Variants in FIGN observed in about 807,000 individuals in gnomAD.
FIGN encodes fidgetin, microtubule severing factor.
Under a neutral mutation model 51.3 loss-of-function variants are expected in FIGN, and 11 were observed. The observed-to-expected ratio is 0.21, with a 90% CI of 0.13 to 0.35. The LOEUF (loss-of-function observed/expected upper bound fraction) is 0.35. Among genes scored for constraint, FIGN ranks in the 10% least tolerant of loss-of-function variants. The pLI is 1.00. For missense variants in FIGN, 857 were observed against 943.6 expected, an observed-to-expected ratio of 0.91 and a Z score of 1.20; for synonymous variants, 407 against 363.2, an observed-to-expected ratio of 1.12 and a Z score of -1.37.
Position 163,716,373 on chromosome 2 carries a change from TA to T in FIGN, c.25+18529del, listed in dbSNP as rs908835489. 3.9e-5 allele frequency among the ~76,000 whole-genome samples: 6 copies of T among 151,912 alleles called. 1 individual carries two copies. The South Asian group carries it at 1.2e-3, about 32-fold the overall frequency. On this transcript the variant is annotated intron_variant, in intron 2 of 2. Coordinates refer to ENST00000333129, the MANE Select transcript of FIGN (RefSeq NM_018086.4). ...GGCACTACCTTTAAAAACTGGTCGT[TA>T]AAAAAAATCAAAATGGAAAATAACA...
At chr2:163,727,001 G>A (rs781368396) in intron 2 of FIGN, among the ~76,000 whole-genome samples, 2 of 151,898 alleles carry the variant, frequency 1.3e-5, no homozygotes, top group African/African-American at 2.4e-5. Flanking sequence ...TAATTATCTT[G>A]TAAGATTAAA....
Position 163,609,495 on chromosome 2 carries a change from G to T in FIGN, c.*57C>A. The T allele has an allele frequency of 1.4e-6, 2 of 1,446,980 alleles. No individual in the cohort carries two copies. Among genetic ancestry groups the T allele is most frequent in the Non-Finnish European group, 1.9e-6 (2 of 1,061,952 alleles). The allele number at this position is 1,446,980 out of a possible 1,614,324, so 89.6% of individuals were successfully genotyped here. A position where few individuals can be genotyped will look rare whatever the true frequency, so the allele number is the denominator to read the frequency against. ...GGAAAGGGGCTCTATTCCCTATGTA[G>T]CAGGTTTTATGTGTGTGTGCCAACA... On this transcript the variant is annotated 3_prime_UTR_variant, in exon 3 of 3. Coordinates refer to ENST00000333129, the MANE Select transcript of FIGN (RefSeq NM_018086.4).
intron 2 of FIGN, among the ~76,000 whole-genome samples, chr2:163,653,816 C>CT (rs992854555): frequency 2.0e-5 from 3 of 151,976 alleles, no homozygotes; most frequent in African/African-American, 7.2e-5. Context: ...TTTTACAGGA[C>CT]TTTTTTTAAA....
At chr2:163,703,057 A>G (rs796233753) in intron 2 of FIGN, among the ~76,000 whole-genome samples, 1 of 151,018 alleles carries the variant, frequency 6.6e-6, no homozygotes, top group African/African-American at 2.4e-5. Flanking sequence ...GTATTTGCAG[A>G]ATTTAGCTGA....
chr2:163,726,858 T>C (rs777852711), intron 2 of FIGN, among the ~76,000 whole-genome samples: 59 of 152,118 alleles, frequency 3.9e-4, no homozygotes, highest in Non-Finnish European at 4.3e-4. Context: ...TATACTTTAA[T>C]TGAAAAGTAC....
intron 2 of FIGN, among the ~76,000 whole-genome samples, chr2:163,637,927 C>T (rs1016765547): frequency 1.5e-4 from 23 of 152,056 alleles, no homozygotes; most frequent in African/African-American, 4.6e-4. Flanking sequence ...GCAGAAAGCA[C>T]GGTGCCTCTG....
chr2:163,673,875 C>T (rs1406794171), intron 2 of FIGN, among the ~76,000 whole-genome samples: 2 of 152,140 alleles, frequency 1.3e-5, no homozygotes, highest in African/African-American at 4.8e-5. Flanking sequence ...ACATGTATTA[C>T]AGGTAATATC....
chr2:163,626,210 G>A (rs1028648649), intron 2 of FIGN, among the ~76,000 whole-genome samples: 1 of 152,126 alleles, frequency 6.6e-6, no homozygotes, highest in Non-Finnish European at 1.5e-5. Flanking sequence ...TCATTCCCTT[G>A]TGAATTGGTA....
chr2:163,731,155 A>G (rs550049112), intron 2 of FIGN, among the ~76,000 whole-genome samples: 1 of 152,264 alleles, frequency 6.6e-6, no homozygotes, highest in East Asian at 1.9e-4. Context: ...GGCTGTCTTC[A>G]CCTTGACATG....
At chr2:163,617,232 G>A (rs961826015) in intron 2 of FIGN, 190 of 984,372 alleles carry the variant, frequency 1.9e-4, no homozygotes, top group Non-Finnish European at 2.2e-4. Flanking sequence ...CTGAAATTAC[G>A]TATCATTTTT....
chr2:163,655,940 G>T (rs905117502), intron 2 of FIGN, among the ~76,000 whole-genome samples: 1 of 152,138 alleles, frequency 6.6e-6, no homozygotes, highest in African/African-American at 2.4e-5. Flanking sequence ...GAGCTAGGGA[G>T]TCTTTCATTG....
At chr2:163,631,203 T>C (rs1016115484) in intron 2 of FIGN, among the ~76,000 whole-genome samples, 1 of 152,210 alleles carries the variant, frequency 6.6e-6, no homozygotes, top group Non-Finnish European at 1.5e-5. Context: ...CATAACGTTT[T>C]ATTAGCTAAT....
At position 163,608,385 on chromosome 2, in the gene FIGN, A is replaced by G. The variant is rs1691157239; in HGVS notation, c.*1167T>C. The G allele has an allele frequency of 6.6e-6, 1 of 152,666 alleles. No individual in the cohort carries two copies. The highest frequency in any genetic ancestry group is 1.9e-4 in the East Asian group (1 of 5,186). 9.5% of individuals were successfully genotyped at this position (152,666 alleles called of 1,614,324 possible). Reference sequence around the variant, plus strand: ...GCAAGTCTATAAGCTAGATTAGTGAATAGAATGACACCATTCCCAGCAGTT... The same window carrying G: ...GCAAGTCTATAAGCTAGATTAGTGAGTAGAATGACACCATTCCCAGCAGTT... On this transcript the variant is annotated 3_prime_UTR_variant, in exon 3 of 3. Coordinates refer to ENST00000333129, the MANE Select transcript of FIGN (RefSeq NM_018086.4).
intron 2 of FIGN, among the ~76,000 whole-genome samples, chr2:163,652,145 C>T (rs558274398): frequency 6.6e-6 from 1 of 152,180 alleles, no homozygotes; most frequent in Admixed American, 6.5e-5. Flanking sequence ...GCTCGGGGTC[C>T]TTTACAAAGA....
intron 2 of FIGN, among the ~76,000 whole-genome samples, chr2:163,621,918 A>G (rs1213446178): frequency 6.6e-6 from 1 of 152,154 alleles, no homozygotes; most frequent in Non-Finnish European, 1.5e-5. Context: ...CAAGTAAAGA[A>G]ATTGTTTCTT....
At chr2:163,617,267 G>C in intron 2 of FIGN, 1 of 980,972 alleles carries the variant, frequency 1.0e-6, no homozygotes, top group Non-Finnish European at 1.2e-6. Flanking sequence ...CATCTTTAGA[G>C]GACCAAAATT....
intron 2 of FIGN, among the ~76,000 whole-genome samples, chr2:163,652,271 C>T (rs1462514104): frequency 6.6e-6 from 1 of 151,386 alleles, no homozygotes; most frequent in African/African-American, 2.4e-5. Context: ...AAATTTAGAT[C>T]ACTTAGTGTC....
Position 163,611,260 on chromosome 2 carries a change from C to T in FIGN, c.572G>A (p.Gly191Glu), listed in dbSNP as rs1289698092. The T allele has an allele frequency of 6.2e-7, 1 of 1,614,104 alleles. No homozygotes were observed. The highest frequency in any genetic ancestry group is 1.1e-5 in the South Asian group (1 of 91,072). The change falls in exon 3 of 3, where the codon GGA (glycine) becomes GAA (glutamate). Residue 191 changes from glycine (G) to glutamate (E), a missense_variant. Around this residue, in one of 3 missense-constraint regions of FIGN, gnomAD observed 799 missense variants for 849.5 expected, o/e 0.94. Coordinates refer to ENST00000333129, the MANE Select transcript of FIGN (RefSeq NM_018086.4). ...PSQEYAPGYN[G>E]SYLHSTYSSQ... ...ACTATAAGTAGAATGCAAATATGAT[C>T]CGTTGTATCCTGGGGCATATTCCTG...
chr2:163,711,509 A>C (rs983115999), intron 2 of FIGN, among the ~76,000 whole-genome samples: 1 of 152,128 alleles, frequency 6.6e-6, no homozygotes, highest in Non-Finnish European at 1.5e-5. Flanking sequence ...TCCTTTCCTC[A>C]AGAAATTAAA....
Sources: gnomAD v4.1 joint callset for allele counts (sites outside exome capture counted in the v4.1 genomes callset) on GRCh38, gnomAD v4.1.1 for gene constraint, gnomAD v4.1.1 regional missense constraint, MANE v1.5 for transcripts, NCBI Gene and HGNC (gene_info 2026-07-23, HGNC 2026-07-21) for gene names.